MBOAT2: variants seen among roughly 807,000 people sequenced by gnomAD.
MBOAT2 encodes membrane-bound glycerophospholipid O-acyltransferase 2.
A neutral mutation model predicts 63.4 loss-of-function variants in MBOAT2; 28 were observed. That is an observed-to-expected ratio of 0.44 (90% confidence interval 0.33 to 0.61). MBOAT2 has a LOEUF of 0.61. Among genes scored for constraint, MBOAT2 ranks in the 20% least tolerant of loss-of-function variants. MBOAT2 has a pLI of 0.03. For missense variants in MBOAT2, 470 were observed against 605.8 expected (o/e 0.78, Z 2.35); for synonymous variants, 211 against 215.6 (o/e 0.98, Z 0.19).
In MBOAT2 at chr2:8,858,457, A is replaced by T; in HGVS notation, c.*222T>A. On this transcript the variant is annotated 3_prime_UTR_variant, in exon 13 of 13. Coordinates refer to ENST00000305997, the MANE Select transcript of MBOAT2 (RefSeq NM_138799.4). ...TGCTGAGGTTGGGAGTGCCCACTGA[A>T]ATATGGAAATATTCTTACATAAGGC... 4.2e-6 allele frequency: 2 copies of T among 477,628 alleles called. No individual in the cohort carries two copies. The highest frequency in any genetic ancestry group is 7.4e-6 in the Non-Finnish European group (2 of 269,880). The allele number at this position is 477,628 out of a possible 1,614,324, so 29.6% of individuals were successfully genotyped here. A position where few individuals can be genotyped will look rare whatever the true frequency, so the allele number is the denominator to read the frequency against.
At position 8,937,530 on chromosome 2, in the gene MBOAT2, A is replaced by T. The variant is rs1032799702; in HGVS notation, c.299+5657T>A. Among the ~76,000 whole-genome samples the T allele has an allele frequency of 2.0e-5, 3 of 152,236 alleles. No homozygotes were observed. In the South Asian group the frequency reaches 6.2e-4, roughly 31 times the overall value. The stretch of plus-strand genomic sequence containing the variant: ...CTCTGAAGGAAAGGAACACAATTCC[A>T]CAAGAGGATGTGTAACAAATCATTT... On this transcript the variant is annotated intron_variant, in intron 3 of 12. Coordinates refer to ENST00000305997, the MANE Select transcript of MBOAT2 (RefSeq NM_138799.4).
chr2:8,942,283 T>C, intron 3 of MBOAT2, among the ~76,000 whole-genome samples: 1 of 152,204 alleles, frequency 6.6e-6, no homozygotes, highest in East Asian at 1.9e-4. Context: ...TCTGATTCTT[T>C]ATACAAAGTT....
rs188897855 is a variant in MBOAT2, at chr2:8,858,936, C to T, written c.1338-32G>A. The T allele has an allele frequency of 2.8e-4, 421 of 1,489,156 alleles. No homozygotes were observed. The African/African-American group carries it at 3.9e-3, about 14-fold the overall frequency. The allele number at this position is 1,489,156 out of a possible 1,614,324, so 92.2% of individuals were successfully genotyped here. A position where few individuals can be genotyped will look rare whatever the true frequency, so the allele number is the denominator to read the frequency against. Reference sequence around the variant, plus strand: ...GAAAAAGGGAAAAAGTTTATTAAAACTTGATAATTAATAATCCTTAATAAC... The same window carrying T: ...GAAAAAGGGAAAAAGTTTATTAAAATTTGATAATTAATAATCCTTAATAAC... On this transcript the variant is annotated intron_variant, in intron 12 of 12. Transcript: ENST00000305997.
intron 1 of MBOAT2, among the ~76,000 whole-genome samples, chr2:8,972,961 C>T (rs892477146): frequency 3.3e-5 from 5 of 152,140 alleles, no homozygotes; most frequent in African/African-American, 9.7e-5. Context: ...GACAATGTGA[C>T]GATTCCTCAA....
At position 8,984,189 on chromosome 2, in the gene MBOAT2, G is replaced by A. The variant is rs140897475; in HGVS notation, c.75+19351C>T. 3.6e-3 allele frequency among the ~76,000 whole-genome samples: 549 copies of A among 152,202 alleles called. 8 individuals carry two copies. The highest frequency in any genetic ancestry group is 0.02 in the South Asian group (97 of 4,820). ...AAACACTATAGGTTTCCACTTACAC[G>A]AAGTATCTAGAACAGTCAACTTCAC... On this transcript the variant is annotated intron_variant, in intron 1 of 12. Transcript: ENST00000305997.
chr2:8,903,036 C>A (rs553229637), intron 4 of MBOAT2, among the ~76,000 whole-genome samples: 1 of 152,148 alleles, frequency 6.6e-6, no homozygotes, highest in Non-Finnish European at 1.5e-5. Context: ...TAGGTAGACA[C>A]AGAATGCTGA....
intron 1 of MBOAT2, among the ~76,000 whole-genome samples, chr2:8,994,426 T>A (rs1013620110): frequency 1.3e-5 from 2 of 152,222 alleles, no homozygotes; most frequent in East Asian, 3.9e-4. Flanking sequence ...GGACCCCGCA[T>A]GGGATCTTGC....
At chr2:8,900,807 A>G (rs1045651348) in intron 4 of MBOAT2, among the ~76,000 whole-genome samples, 1 of 152,192 alleles carries the variant, frequency 6.6e-6, no homozygotes, top group Non-Finnish European at 1.5e-5. Flanking sequence ...CTCTTACAGA[A>G]AAGATCAAGC....
intron 9 of MBOAT2, among the ~76,000 whole-genome samples, chr2:8,866,876 T>G (rs1400338933): frequency 6.6e-6 from 1 of 152,194 alleles, no homozygotes; most frequent in South Asian, 2.1e-4. Flanking sequence ...CTCAGCACAC[T>G]TCAGTGATGG....
intron 4 of MBOAT2, 110 bp from the exon 5 acceptor site, chr2:8,888,183 T>A (rs927978917): frequency 1.9e-6 from 2 of 1,041,374 alleles, no homozygotes; most frequent in Admixed American, 2.4e-5. Flanking sequence ...ATCCTGAAAT[T>A]TTTAACATAA....
In MBOAT2 at chr2:8,904,322, T is replaced by A. The variant is rs562676965; in HGVS notation, c.395+4299A>T. ...AAGGTTGTTTTTATTTTTTATTTTT[T>A]TTTTTTTGAGATAGGATCTTGCTGT... is the stretch of plus-strand genomic sequence containing the variant. On this transcript the variant is annotated intron_variant, in intron 4 of 12. Coordinates refer to ENST00000305997, the MANE Select transcript of MBOAT2 (RefSeq NM_138799.4). 2.5e-3 allele frequency among the ~76,000 whole-genome samples: 386 copies of A among 151,900 alleles called. 1 individual carries two copies. Among genetic ancestry groups the A allele is most frequent in the Middle Eastern group, 6.8e-3 (2 of 292 alleles).
intron 1 of MBOAT2, among the ~76,000 whole-genome samples, chr2:8,965,262 C>T (rs1669903480): frequency 1.3e-5 from 2 of 152,146 alleles, no homozygotes; most frequent in Non-Finnish European, 2.9e-5. Context: ...ATACCTATTT[C>T]CTACTTAAAC....
intron 5 of MBOAT2, among the ~76,000 whole-genome samples, chr2:8,884,986 G>A (rs1663443269): frequency 6.6e-6 from 1 of 152,216 alleles, no homozygotes; most frequent in Non-Finnish European, 1.5e-5. Context: ...CTGAGCCCTG[G>A]CATGACACCA....
chr2:8,941,591 G>C (rs975241496), intron 3 of MBOAT2, among the ~76,000 whole-genome samples: 12 of 151,784 alleles, frequency 7.9e-5, no homozygotes, highest in Non-Finnish European at 1.5e-4. Context: ...TTAAACCCGG[G>C]AGGCAGAGGT....
At chr2:8,949,211 T>G (rs1309031558) in intron 2 of MBOAT2, among the ~76,000 whole-genome samples, 1 of 152,358 alleles carries the variant, frequency 6.6e-6, no homozygotes, top group South Asian at 2.1e-4. Flanking sequence ...ACTGTTTAAG[T>G]TCCTTATAGA....
At chr2:8,932,879 G>A (rs1012246712) in intron 3 of MBOAT2, among the ~76,000 whole-genome samples, 4 of 152,030 alleles carry the variant, frequency 2.6e-5, no homozygotes, top group African/African-American at 4.8e-5. Flanking sequence ...ACTACAGAAC[G>A]TGCACATGTC....
At chr2:8,902,317 G>A (rs1049704545) in intron 4 of MBOAT2, among the ~76,000 whole-genome samples, 5 of 152,212 alleles carry the variant, frequency 3.3e-5, no homozygotes, top group African/African-American at 4.8e-5. Flanking sequence ...ACCACTTGGC[G>A]ATAATCAGTG....
chr2:8,893,123 G>C (rs1420285948), intron 4 of MBOAT2, among the ~76,000 whole-genome samples: 1 of 150,002 alleles, frequency 6.7e-6, no homozygotes, highest in East Asian at 2.0e-4. Context: ...AGGTGGGCAG[G>C]GGGAGATGGT....
chr2:8,999,191 TG>T (rs1409763546), intron 1 of MBOAT2, among the ~76,000 whole-genome samples: 1 of 152,238 alleles, frequency 6.6e-6, no homozygotes, highest in African/African-American at 2.4e-5. Context: ...GAATGACCCC[TG>T]TCCCTAAACA....
Sources: gnomAD v4.1 joint callset for allele counts (sites outside exome capture counted in the v4.1 genomes callset) on GRCh38, gnomAD v4.1.1 for gene constraint, MANE v1.5 for transcripts, NCBI Gene and HGNC (gene_info 2026-07-23, HGNC 2026-07-21) for gene names.